DENND1A: variants seen among roughly 807,000 people sequenced by gnomAD.
The protein encoded by DENND1A is DENN domain containing 1A, also known as DENN domain-containing protein 1A.
DENND1A carries 51 observed loss-of-function variants against 113.7 expected under a neutral mutation model. The ratio of observed to expected loss-of-function variants is 0.45; its 90% CI spans 0.36 to 0.57. The LOEUF (loss-of-function observed/expected upper bound fraction) is 0.57, where lower values mean the gene tolerates loss of function less well. DENND1A is among the 20% of genes least tolerant of loss of function. The probability of loss-of-function intolerance (pLI) is 0.00; values close to 1 mark genes in which losing one functional copy is unlikely to be tolerated. For missense variants in DENND1A, 1,258 were observed against 1,395.9 expected, an observed-to-expected ratio of 0.90 and a Z score of 1.57; for synonymous variants, 565 against 570.8, an observed-to-expected ratio of 0.99 and a Z score of 0.14.
chr9:123,597,181 T>G (rs2059734080), intron 11 of DENND1A, among the ~76,000 whole-genome samples: 1 of 152,198 alleles, frequency 6.6e-6, no homozygotes, highest in Non-Finnish European at 1.5e-5. Context: ...GCCTTTTATT[T>G]GAAATGTCAA....
At chr9:123,471,749 T>A (rs1363065832) in intron 13 of DENND1A, among the ~76,000 whole-genome samples, 2 of 152,108 alleles carry the variant, frequency 1.3e-5, no homozygotes, top group Admixed American at 1.3e-4. Flanking sequence ...GCACTTGAAG[T>A]CAGTTCTCTG....
chr9:123,471,288 T>C lies in DENND1A; in HGVS notation c.994-13391A>G, dbSNP rs77018983. 7.5e-3 allele frequency among the ~76,000 whole-genome samples: 1,148 copies of C among 152,240 alleles called. 16 individuals carry two copies. Among genetic ancestry groups the C allele is most frequent in the African/African-American group, 0.026 (1,081 of 41,524 alleles). On this transcript the variant is annotated intron_variant, in intron 13 of 23. Transcript: ENST00000394215. ...GTCCCTAACCCCTCAGAGACCACCT[T>C]CTCATCTGCCGAATGGGGGAGCTAC...
At chr9:123,706,770 CAAAAAAAAAAA>C (rs575483682) in intron 5 of DENND1A, among the ~76,000 whole-genome samples, 7 of 53,544 alleles carry the variant, frequency 1.3e-4, no homozygotes, top group East Asian at 8.3e-4. Context: ...GACTCCGTCT[CAAAAAAAAAAA>C]AAAAAAAAAA....
chr9:123,693,352 CTT>C (rs1220981642), intron 5 of DENND1A, among the ~76,000 whole-genome samples: 1 of 152,188 alleles, frequency 6.6e-6, no homozygotes, highest in African/African-American at 2.4e-5. Context: ...AAAAGTCACT[CTT>C]TTGACAAATG....
chr9:123,812,788 C>A (rs1200689123), intron 2 of DENND1A, among the ~76,000 whole-genome samples: 2 of 151,950 alleles, frequency 1.3e-5, no homozygotes, highest in African/African-American at 2.4e-5. Flanking sequence ...TAAAAAATTT[C>A]TTTCTTTCGA....
intron 20 of DENND1A, among the ~76,000 whole-genome samples, chr9:123,408,121 G>A (rs928194812): frequency 6.6e-6 from 1 of 152,144 alleles, no homozygotes; most frequent in Non-Finnish European, 1.5e-5. Flanking sequence ...TGCTACCCTG[G>A]GCCAACGGCT....
chr9:123,645,601 G>A (rs539649427), intron 9 of DENND1A, among the ~76,000 whole-genome samples: 3 of 152,256 alleles, frequency 2.0e-5, no homozygotes, highest in South Asian at 2.1e-4. Context: ...CCAACTGCAC[G>A]TGACATACAA....
rs566399964 is a variant in DENND1A, at chr9:123,419,836, G to A, written c.1489-8007C>T. On this transcript the variant is annotated intron_variant, in intron 19 of 23. Coordinates refer to ENST00000394215, the MANE Select transcript of DENND1A (RefSeq NM_001352964.2). ...GCCCCCAGCGCCCATCGCTGTCTCC[G>A]ATCCTCTCTGTCCGCCCTGGATGAG... Among the ~76,000 whole-genome samples, 6 of 152,326 alleles carry A rather than the reference G, an allele frequency of 3.9e-5. No individual in the cohort carries two copies. In the South Asian group the frequency reaches 6.2e-4, roughly 16 times the overall value.
At chr9:123,743,328 G>T (rs1170648772) in intron 5 of DENND1A, among the ~76,000 whole-genome samples, 2 of 151,318 alleles carry the variant, frequency 1.3e-5, no homozygotes, top group Non-Finnish European at 3.0e-5. Context: ...TTGAACTCAG[G>T]AGGCAGAGGC....
rs2131237696 is a variant in DENND1A at position 123,747,435 on chromosome 9, C to T, written c.302+10268G>A. Reference sequence around the variant, plus strand: ...AGAATTAATTCTGTAATAAATATTGCTTTGTATTATAGATAAGGGATTTAA... The same window carrying T: ...AGAATTAATTCTGTAATAAATATTGTTTTGTATTATAGATAAGGGATTTAA... On this transcript the variant is annotated intron_variant, in intron 5 of 23. Coordinates refer to ENST00000394215, the MANE Select transcript of DENND1A (RefSeq NM_001352964.2). Among the ~76,000 whole-genome samples, 5 of 152,104 alleles carry T rather than the reference C, an allele frequency of 3.3e-5. No homozygotes were observed. The South Asian group carries it at 1.0e-3, about 32-fold the overall frequency.
chr9:123,637,153 C>T (rs1340570119), intron 9 of DENND1A, among the ~76,000 whole-genome samples: 3 of 152,180 alleles, frequency 2.0e-5, no homozygotes, highest in African/African-American at 7.2e-5. Context: ...AATAATCAAA[C>T]CAACACCTGC....
chr9:123,659,702 C>T (rs1430382360), intron 8 of DENND1A, among the ~76,000 whole-genome samples: 1 of 152,180 alleles, frequency 6.6e-6, no homozygotes, highest in Non-Finnish European at 1.5e-5. Flanking sequence ...AAGTACATTG[C>T]CCCAAAGTCC....
Position 123,396,042 on chromosome 9 carries a change from G to A in DENND1A, c.1631+7360C>T, listed in dbSNP as rs116031347. Among the ~76,000 whole-genome samples, 203 of 152,232 alleles carry A rather than the reference G, an allele frequency of 1.3e-3. 1 individual carries two copies. The highest frequency in any genetic ancestry group is 4.6e-3 in the African/African-American group (192 of 41,548). ...GAAAGCTACAACATGGCCGGTCACC[G>A]CCAGATCAGGAGACGCACAGGGGAT... On this transcript the variant is annotated intron_variant, in intron 21 of 23. Transcript: ENST00000394215.
intron 3 of DENND1A, among the ~76,000 whole-genome samples, chr9:123,771,831 A>T (rs189327673): frequency 1.3e-5 from 2 of 152,234 alleles, no homozygotes; most frequent in Admixed American, 6.5e-5. Context: ...CTTTTTATCT[A>T]AGCAAACAGC....
chr9:123,859,341 G>A (rs939850550), intron 2 of DENND1A, among the ~76,000 whole-genome samples: 8 of 151,288 alleles, frequency 5.3e-5, no homozygotes, highest in African/African-American at 1.9e-4. Flanking sequence ...TTAATAACAG[G>A]AACTAACATT....
At chr9:123,457,768 C>A in intron 14 of DENND1A, 25 bp downstream of exon 14, 1 of 1,588,416 alleles carries the variant, frequency 6.3e-7, no homozygotes, top group Non-Finnish European at 8.6e-7. Flanking sequence ...GAGCCAGACC[C>A]AGGCCAGACC....
chr9:123,639,147 G>A (rs2061887878), intron 9 of DENND1A, among the ~76,000 whole-genome samples: 1 of 150,108 alleles, frequency 6.7e-6, no homozygotes, highest in African/African-American at 2.4e-5. Flanking sequence ...ACCTTAGAAA[G>A]TGACTGTAGG....
At chr9:123,413,580 A>G in intron 19 of DENND1A, 1 of 985,408 alleles carries the variant, frequency 1.0e-6, no homozygotes. Context: ...GGGCAGCCTG[A>G]GGGGAAAGCG....
chr9:123,909,592 C>T (rs1179975667), intron 1 of DENND1A, among the ~76,000 whole-genome samples: 1 of 151,940 alleles, frequency 6.6e-6, no homozygotes, highest in Non-Finnish European at 1.5e-5. Context: ...CTGGTTGACA[C>T]TGATGAGATG....
Sources: allele counts gnomAD v4.1 joint callset (sites outside exome capture counted in the v4.1 genomes callset), GRCh38; gene constraint gnomAD v4.1.1; transcripts MANE v1.5; gene names NCBI Gene and HGNC (gene_info 2026-07-23, HGNC 2026-07-21).